Variants in GALNT15 observed in about 807,000 individuals in gnomAD.
GALNT15 encodes the protein UDP-GalNAc transferase T15.
Under a neutral mutation model 66.8 loss-of-function variants are expected in GALNT15, and 67 were observed. That is an observed-to-expected ratio of 1.00 (90% CI 0.82 to 1.23). GALNT15 has a LOEUF of 1.23. GALNT15 is among the 50% of genes most tolerant of loss of function. The pLI is 0.00. For missense variants in GALNT15, 827 were observed against 804.3 expected (o/e 1.03, Z -0.34); for synonymous variants, 313 against 311.5 (o/e 1.00, Z -0.05).
At chr3:16,245,264 C>T in the GALNT15 span, among the ~76,000 whole-genome samples, 3 of 152,238 alleles carry the variant, frequency 2.0e-5, no homozygotes, top group Non-Finnish European at 4.4e-5. Flanking sequence ...CACACTCCTG[C>T]TTCCCAGGTT....
downstream of GALNT15, among the ~76,000 whole-genome samples, chr3:16,230,588 AG>A (rs113942697): frequency 0.3 from 44,658 of 147,650 alleles, 6,657 homozygotes; most frequent in African/African-American, 0.39. The surrounding 1 kb of genome is among the most constrained non-coding windows in gnomAD (Gnocchi z 4.5). Context: ...TCAAAAAAAA[AG>A]AAAAGAAAAA....
chr3:16,232,469 A>AATATATAT (rs374444719), downstream of GALNT15, among the ~76,000 whole-genome samples: 42 of 38,716 alleles, frequency 1.1e-3, no homozygotes, highest in Non-Finnish European at 1.8e-3. Context: ...TAAATAAATA[A>AATATATAT]ATATATATAT....
Position 16,184,416 on chromosome 3 carries a change from G to A in GALNT15, c.539+8726G>A, listed in dbSNP as rs952958604. Among the ~76,000 whole-genome samples the A allele has an allele frequency of 6.6e-6, 1 of 152,042 alleles. No individual in the cohort carries two copies. The highest frequency in any genetic ancestry group is 2.4e-5 in the African/African-American group (1 of 41,378). ...ATGAATGTCTTTCCTTCAGTTCCTGGTACATGCCAGCCCTTTCCCACCTCT... is the reference window on the plus strand; with the variant it reads ...ATGAATGTCTTTCCTTCAGTTCCTGATACATGCCAGCCCTTTCCCACCTCT... On this transcript the variant is annotated intron_variant, in intron 1 of 9. Transcript: ENST00000339732. The surrounding 1 kb of genome is among the most constrained non-coding windows in gnomAD (Gnocchi z 5.0).
the GALNT15 span, among the ~76,000 whole-genome samples, chr3:16,242,901 G>A: frequency 6.6e-6 from 1 of 152,200 alleles, no homozygotes; most frequent in Non-Finnish European, 1.5e-5. The surrounding 1 kb of genome is among the most constrained non-coding windows in gnomAD (Gnocchi z 5.6). Context: ...GGATGCAGGT[G>A]ATTTATTTGG....
At position 16,227,702 on chromosome 3, in the gene GALNT15, A is replaced by G; in HGVS notation, c.*202A>G. The G allele has an allele frequency of 1.4e-6, 2 of 1,415,194 alleles. No individual in the cohort carries two copies. Among genetic ancestry groups the G allele is most frequent in the Non-Finnish European group, 1.8e-6 (2 of 1,092,536 alleles). The allele number at this position is 1,415,194 out of a possible 1,614,324, so 87.7% of individuals were successfully genotyped here. On this transcript the variant is annotated 3_prime_UTR_variant, in exon 10 of 10. Coordinates refer to ENST00000339732, the MANE Select transcript of GALNT15 (RefSeq NM_054110.5). The surrounding 1 kb of genome is among the most constrained non-coding windows in gnomAD (Gnocchi z 4.5). Reference sequence around the variant, plus strand: ...TTGACTGCTGGCTGCTTTAAAAAAAAAAAAAAAGGATCCATTGTACCGTTG... The same window carrying G: ...TTGACTGCTGGCTGCTTTAAAAAAAGAAAAAAAGGATCCATTGTACCGTTG...
intron 9 of GALNT15, among the ~76,000 whole-genome samples, chr3:16,226,511 C>T (rs2064020715): frequency 6.6e-6 from 1 of 152,126 alleles, no homozygotes; most frequent in Admixed American, 6.5e-5. Flanking sequence ...GAAGCAAGCC[C>T]CGTCCTTACA....
downstream of GALNT15, among the ~76,000 whole-genome samples, chr3:16,235,066 GCACCTGC>G (rs1185860359): frequency 2.6e-5 from 4 of 152,058 alleles, no homozygotes; most frequent in Admixed American, 2.6e-4. Context: ...GGGACTACAG[GCACCTGC>G]CACCATGCCT....
intron 9 of GALNT15, 80 bp downstream of exon 9, chr3:16,222,838 TC>T: frequency 6.6e-7 from 1 of 1,513,264 alleles, no homozygotes; most frequent in Middle Eastern, 2.3e-4. Flanking sequence ...CCTGGGCTCT[TC>T]CAAGAGGTCA....
downstream of GALNT15, among the ~76,000 whole-genome samples, chr3:16,236,452 T>C (rs2064126240): frequency 6.6e-6 from 1 of 152,236 alleles, no homozygotes; most frequent in African/African-American, 2.4e-5. Context: ...TAAAACTTTA[T>C]TTACAAACAC....
At chr3:16,178,023 A>C (rs1374404640) in intron 1 of GALNT15, among the ~76,000 whole-genome samples, 2 of 151,894 alleles carry the variant, frequency 1.3e-5, no homozygotes, top group African/African-American at 2.4e-5. Flanking sequence ...ATGTGGTGTG[A>C]TGTGCACATG....
intron 1 of GALNT15, among the ~76,000 whole-genome samples, chr3:16,177,289 G>A (rs1024264672): frequency 1.3e-5 from 2 of 152,126 alleles, no homozygotes; most frequent in African/African-American, 4.8e-5. Flanking sequence ...TCTTTTTGCC[G>A]ATAAGAAATA....
At position 16,224,632 on chromosome 3, in the gene GALNT15, CTTT is replaced by C. The variant is rs34368462; in HGVS notation, c.1773+1892_1773+1894del. 0.19 allele frequency among the ~76,000 whole-genome samples: 24,906 copies of C among 131,898 alleles called. 2,425 individuals are homozygous for C. The highest frequency in any genetic ancestry group is 0.26 in the African/African-American group (9,141 of 35,354). The allele number at this position is 131,898 out of a possible 152,430, so 86.5% of individuals were successfully genotyped here. ...TTTAACACTATTGTAGTAGGCTATTCTTTTTTTTTTTTTTTTTTTTAAAGAGGG... is the reference window on the plus strand; with the variant it reads ...TTTAACACTATTGTAGTAGGCTATTCTTTTTTTTTTTTTTTTTAAAGAGGG... On this transcript the variant is annotated intron_variant, in intron 9 of 9. Transcript: ENST00000339732. The surrounding 1 kb of genome is among the most constrained non-coding windows in gnomAD (Gnocchi z 5.2).
chr3:16,213,852 T>G (rs575478859), intron 6 of GALNT15, among the ~76,000 whole-genome samples: 1 of 152,342 alleles, frequency 6.6e-6, no homozygotes, highest in Admixed American at 6.5e-5. Context: ...CTTCCCCTTC[T>G]GCCCTGGTCC....
In GALNT15 at chr3:16,228,996, A is replaced by G. The variant is rs2064053529; in HGVS notation, c.*1496A>G. 3.0e-6 allele frequency: 3 copies of G among 985,456 alleles called. No homozygotes were observed. The highest frequency in any genetic ancestry group is 1.2e-6 in the Non-Finnish European group (1 of 829,934). The allele number at this position is 985,456 out of a possible 1,614,324, so 61.0% of individuals were successfully genotyped here. ...CTGAATTAGCTGTAAGAGTTGCCGA[A>G]TGGGATGGGTTCTGCTATTTAATAA... On this transcript the variant is annotated 3_prime_UTR_variant, in exon 10 of 10. Coordinates refer to ENST00000339732, the MANE Select transcript of GALNT15 (RefSeq NM_054110.5).
rs1432845499 is a variant in GALNT15, at chr3:16,184,775, C to T, written c.539+9085C>T. ...AGAGGCATGTGTTCAAGGCAGCTAC[C>T]TCTGTGGGCAGCTGGAGCTCAGCCC... On this transcript the variant is annotated intron_variant, in intron 1 of 9. Transcript: ENST00000339732. The surrounding 1 kb of genome is among the most constrained non-coding windows in gnomAD (Gnocchi z 5.0). Among the ~76,000 whole-genome samples the T allele has an allele frequency of 1.3e-5, 2 of 152,230 alleles. No individual in the cohort carries two copies. Among genetic ancestry groups the T allele is most frequent in the Non-Finnish European group, 2.9e-5 (2 of 68,046 alleles).
chr3:16,192,889 C>A (rs1356803231), intron 1 of GALNT15, among the ~76,000 whole-genome samples: 2 of 152,162 alleles, frequency 1.3e-5, no homozygotes, highest in Non-Finnish European at 2.9e-5. Context: ...GGACTTCTTG[C>A]TAAAGTCCAT....
Position 16,224,667 on chromosome 3 carries a change from G to A in GALNT15, c.1773+1909G>A, listed in dbSNP as rs116743393. The stretch of plus-strand genomic sequence containing the variant: ...TTTTTTTTTTTAAAGAGGGAGTTTC[G>A]CTCTTGTTGCCCAGGCTAGAGTTCA... On this transcript the variant is annotated intron_variant, in intron 9 of 9. Transcript: ENST00000339732. This position sits in a 1 kb window ranked among gnomAD's most constrained non-coding sequence, Gnocchi z 5.2. Among the ~76,000 whole-genome samples, 8,789 of 140,388 alleles carry A rather than the reference G, an allele frequency of 0.063. 285 individuals are homozygous for A. The highest frequency in any genetic ancestry group is 0.079 in the Admixed American group (1,064 of 13,408). The allele number at this position is 140,388 out of a possible 152,430, so 92.1% of individuals were successfully genotyped here.
chr3:16,218,654 A>G (rs4389463), intron 6 of GALNT15, among the ~76,000 whole-genome samples: 152,236 of 152,236 alleles, frequency 1, 76,118 homozygotes, highest in Non-Finnish European at 1. Context: ...CGATTTCCCA[A>G]CCAACTTCAT....
Position 16,227,858 on chromosome 3 carries a change from T to A in GALNT15, c.*358T>A. ...GCACCTCCAGGATACATAAATTCAA[T>A]GGATCAATTTATTTGTCTTCAAATG... On this transcript the variant is annotated 3_prime_UTR_variant, in exon 10 of 10. Coordinates refer to ENST00000339732, the MANE Select transcript of GALNT15 (RefSeq NM_054110.5). This position sits in a 1 kb window ranked among gnomAD's most constrained non-coding sequence, Gnocchi z 4.5. The A allele has an allele frequency of 9.7e-7, 1 of 1,035,374 alleles. No homozygotes were observed. The highest frequency in any genetic ancestry group is 1.2e-6 in the Non-Finnish European group (1 of 862,352). 64.1% of individuals were successfully genotyped at this position (1,035,374 alleles called of 1,614,324 possible). A position where few individuals can be genotyped will look rare whatever the true frequency, so the allele number is the denominator to read the frequency against.
Sources: allele counts gnomAD v4.1 joint callset (sites outside exome capture counted in the v4.1 genomes callset), GRCh38; gene constraint gnomAD v4.1.1; non-coding constraint Gnocchi (gnomAD v3.1); transcripts MANE v1.5; gene names NCBI Gene and HGNC (gene_info 2026-07-23, HGNC 2026-07-21).